TACC1: variants seen among roughly 807,000 people sequenced by gnomAD.
The protein encoded by TACC1 is transforming acidic coiled-coil containing protein 1.
In TACC1, 48 loss-of-function variants were observed where a neutral mutation model predicts 84.4. That is an observed-to-expected ratio of 0.57 (90% CI 0.45 to 0.72). The LOEUF is 0.72. Ranked by LOEUF, TACC1 falls within the 30% of genes least tolerant of loss-of-function variation. The probability of loss-of-function intolerance (pLI) is 0.00; values close to 1 mark genes in which losing one functional copy is unlikely to be tolerated. For synonymous variants in TACC1, 372 were observed against 376.3 expected, an observed-to-expected ratio of 0.99 and a Z score of 0.13; for missense variants, 920 against 973.0, an observed-to-expected ratio of 0.95 and a Z score of 0.72.
chr8:38,812,170 A>T (rs1466292989), intron 2 of TACC1, among the ~76,000 whole-genome samples: 1 of 152,206 alleles, frequency 6.6e-6, no homozygotes, highest in Non-Finnish European at 1.5e-5. Context: ...CAATATGTGC[A>T]TAGCTGAACA....
intron 3 of TACC1, among the ~76,000 whole-genome samples, chr8:38,779,661 G>A (rs1431816331): frequency 1.3e-5 from 2 of 152,238 alleles, no homozygotes; most frequent in Admixed American, 6.5e-5. Flanking sequence ...GGGCTTGACT[G>A]TATGTGGGGA....
Position 38,773,453 on chromosome 8 carries a change from A to G in TACC1, c.27-15251A>G, listed in dbSNP as rs578047392. Among the ~76,000 whole-genome samples, 32 of 148,828 alleles carry G rather than the reference A, an allele frequency of 2.2e-4. No individual in the cohort carries two copies. The South Asian group carries it at 6.7e-3, about 31-fold the overall frequency. ...TTTATATTAAATAAATACTAATATA[A>G]TATAAACATTAATATTTACACTGGT... is the stretch of plus-strand genomic sequence containing the variant. On this transcript the variant is annotated intron_variant, in intron 3 of 14. Transcript: ENST00000518415.
At chr8:38,733,389 A>G (rs1484008197) in intron 1 of TACC1, among the ~76,000 whole-genome samples, 1 of 151,790 alleles carries the variant, frequency 6.6e-6, no homozygotes. Flanking sequence ...GAATTCATAC[A>G]CTGGTGCAGC....
intron 2 of TACC1, among the ~76,000 whole-genome samples, chr8:38,813,592 G>C (rs1170971012): frequency 1.3e-5 from 2 of 152,158 alleles, no homozygotes; most frequent in African/African-American, 4.8e-5. Context: ...GTATTGAGTT[G>C]CAATCACATG....
chr8:38,743,941 C>G (rs1251456754), intron 2 of TACC1: 1 of 152,230 alleles, frequency 6.6e-6, no homozygotes, highest in East Asian at 1.9e-4. Flanking sequence ...AGGTTCAGAG[C>G]CTCCATGGTT....
intron 3 of TACC1, among the ~76,000 whole-genome samples, chr8:38,756,883 T>C (rs1443331962): frequency 6.6e-6 from 1 of 152,194 alleles, no homozygotes; most frequent in African/African-American, 2.4e-5. Flanking sequence ...GCTGCTTCTC[T>C]GAACAGCAGC....
At chr8:38,818,846 C>T (rs183126435) in intron 2 of TACC1, among the ~76,000 whole-genome samples, 5 of 150,680 alleles carry the variant, frequency 3.3e-5, no homozygotes, top group Non-Finnish European at 4.4e-5. Context: ...GGCGCAATCT[C>T]GGCTCACTGC....
At chr8:38,787,210 T>C (rs930991564), upstream of TACC1, 11 of 992,036 alleles carry the variant, frequency 1.1e-5, no homozygotes, top group African/African-American at 1.7e-4. Context: ...CGGCAGCTGA[T>C]GCGCGCCCCG....
At chr8:38,744,579 A>C (rs954400135) in intron 2 of TACC1, among the ~76,000 whole-genome samples, 13 of 152,132 alleles carry the variant, frequency 8.5e-5, no homozygotes, top group African/African-American at 3.1e-4. Flanking sequence ...TTAGAGAGAA[A>C]GGGAGAAGTG....
chr8:38,786,633 T>G (rs545826293), upstream of TACC1, among the ~76,000 whole-genome samples: 15 of 152,162 alleles, frequency 9.9e-5, no homozygotes, highest in South Asian at 2.9e-3. Context: ...CCTGGGCACT[T>G]GGGAAGCCTC....
intron 2 of TACC1, chr8:38,799,672 T>G (rs1820890782): frequency 6.6e-6 from 1 of 152,228 alleles, no homozygotes; most frequent in South Asian, 2.1e-4. Context: ...TCTAGGATGT[T>G]TCATATACCA....
chr8:38,804,581 G>T (rs1307506857), intron 2 of TACC1, among the ~76,000 whole-genome samples: 1 of 152,142 alleles, frequency 6.6e-6, no homozygotes, highest in Admixed American at 6.5e-5. Flanking sequence ...GATTACAGGC[G>T]TGAGCCACTG....
intron 2 of TACC1, among the ~76,000 whole-genome samples, chr8:38,744,304 C>T (rs1478015200): frequency 1.3e-5 from 2 of 152,028 alleles, no homozygotes; most frequent in African/African-American, 2.4e-5. Flanking sequence ...TTAGTAGAGA[C>T]GGGGATTCAC....
intron 3 of TACC1, among the ~76,000 whole-genome samples, chr8:38,766,423 G>C (rs971902726): frequency 6.6e-6 from 1 of 152,178 alleles, no homozygotes; most frequent in African/African-American, 2.4e-5. Flanking sequence ...TGGAGGTAGA[G>C]TAGTTCCATT....
intron 2 of TACC1, chr8:38,805,380 T>G (rs1822431287): frequency 6.6e-6 from 1 of 152,226 alleles, no homozygotes; most frequent in Non-Finnish European, 1.5e-5. Flanking sequence ...AAGTAACTCA[T>G]TGAGAAAGGG....
chr8:38,778,215 G>A (rs1395345700), intron 3 of TACC1, among the ~76,000 whole-genome samples: 1 of 151,670 alleles, frequency 6.6e-6, no homozygotes, highest in Non-Finnish European at 1.5e-5. Flanking sequence ...CAAAGTGTTG[G>A]GATTACAATC....
Position 38,838,771 on chromosome 8 carries a change from A to G in TACC1, c.1916+225A>G, listed in dbSNP as rs964362293. ...GTTTATCTTGGGTTGTTCAGAACAT[A>G]TAACATGTAAACAGAACCCACATAA... On this transcript the variant is annotated intron_variant, in intron 8 of 12. Transcript: ENST00000317827. 3.9e-5 allele frequency among the ~76,000 whole-genome samples: 6 copies of G among 152,256 alleles called. No individual in the cohort carries two copies. The South Asian group carries it at 1.2e-3, about 31-fold the overall frequency.
At chr8:38,734,134 T>G (rs889983391) in intron 1 of TACC1, among the ~76,000 whole-genome samples, 3 of 152,196 alleles carry the variant, frequency 2.0e-5, no homozygotes, top group African/African-American at 7.2e-5. Context: ...TCTTCTGCAC[T>G]TTCAGTCTTC....
chr8:38,745,397 T>C, exon 3 of TACC1: 1 of 630,820 alleles, frequency 1.6e-6, no homozygotes. Context: ...ACCCAAATTA[T>C]GGGACATATT....
Sources: allele counts gnomAD v4.1 joint callset (sites outside exome capture counted in the v4.1 genomes callset), GRCh38; gene constraint gnomAD v4.1.1; transcripts MANE v1.5; gene names NCBI Gene and HGNC (gene_info 2026-07-23, HGNC 2026-07-21).